Variants in LMCD1 observed in about 807,000 individuals in gnomAD.
LMCD1 encodes the protein LIM and cysteine rich domains 1, also known as LIM and cysteine-rich domains protein 1.
In LMCD1, 32 loss-of-function variants were observed where a neutral mutation model predicts 42.7. The observed-to-expected ratio is 0.75, with a 90% CI of 0.57 to 1.01. LMCD1 has a LOEUF of 1.01. LMCD1 is among the 50% of genes least tolerant of loss of function. The probability of loss-of-function intolerance (pLI) is 0.00; values close to 1 mark genes in which losing one functional copy is unlikely to be tolerated. For synonymous variants in LMCD1, 178 were observed against 184.9 expected (o/e 0.96, Z 0.30); for missense variants, 458 against 483.1 (o/e 0.95, Z 0.49).
rs1452159827 is a variant in LMCD1 at position 8,565,455 on chromosome 3, G to A, written c.747G>A (p.Ala249=). 1.9e-6 allele frequency: 3 copies of A among 1,614,098 alleles called. No homozygotes were observed. Among genetic ancestry groups the A allele is most frequent in the Non-Finnish European group, 2.5e-6 (3 of 1,180,002 alleles). The part of the protein sequence containing the change: ...VEYVCELCKG[A]APPDSPVVYS... Reference sequence around the variant, plus strand: ...AGGTCTGCGAGCTCTGCAAGGGAGCGGCCCCTCCTGACAGCCCCGTGGTCT... The same window carrying A: ...AGGTCTGCGAGCTCTGCAAGGGAGCAGCCCCTCCTGACAGCCCCGTGGTCT... Residue 249 remains alanine (A), a synonymous_variant, in exon 5 of 6, where the codon GCG becomes GCA. Coordinates refer to ENST00000157600, the MANE Select transcript of LMCD1 (RefSeq NM_014583.4).
chr3:8,510,376 GCTT>G (rs1693973566), intron 1 of LMCD1, among the ~76,000 whole-genome samples: 1 of 152,202 alleles, frequency 6.6e-6, no homozygotes. Context: ...GCATCTGGGG[GCTT>G]CTTATTTTAG....
intron 1 of LMCD1, among the ~76,000 whole-genome samples, chr3:8,511,486 A>T (rs1332201475): frequency 1.3e-5 from 2 of 152,218 alleles, no homozygotes; most frequent in Non-Finnish European, 2.9e-5. Context: ...ATCGGGGTAC[A>T]TGTGTGGGAC....
At chr3:8,521,791 G>A (rs1493587) in intron 1 of LMCD1, among the ~76,000 whole-genome samples, 77,489 of 151,872 alleles carry the variant, frequency 0.51, 20,695 homozygotes, top group African/African-American at 0.6. Context: ...TAGGTAGACA[G>A]TGCTGGTAGA....
chr3:8,547,823 T>C (rs1694766471), intron 3 of LMCD1, among the ~76,000 whole-genome samples: 1 of 151,328 alleles, frequency 6.6e-6, no homozygotes, highest in Admixed American at 6.6e-5. Context: ...GAGGCAGAGC[T>C]TGCAGTGAGC....
intron 1 of LMCD1, among the ~76,000 whole-genome samples, chr3:8,513,143 T>C (rs1694033522): frequency 6.6e-6 from 1 of 152,236 alleles, no homozygotes; most frequent in Non-Finnish European, 1.5e-5. Flanking sequence ...TTATTGGTTT[T>C]CTTTATTTCC....
intron 3 of LMCD1, among the ~76,000 whole-genome samples, chr3:8,547,619 G>A (rs1232747846): frequency 2.0e-5 from 3 of 152,132 alleles, no homozygotes; most frequent in Admixed American, 6.5e-5. Flanking sequence ...ACAGCCAGGC[G>A]CGGTGGCTCA....
Position 8,568,961 on chromosome 3 carries a change from A to G in LMCD1, c.*1363A>G, listed in dbSNP as rs1695172556. On this transcript the variant is annotated 3_prime_UTR_variant, in exon 6 of 6. Coordinates refer to ENST00000157600, the MANE Select transcript of LMCD1 (RefSeq NM_014583.4). ...CCCATTCATGTGCTTTATAAGTTTC[A>G]CCAAAGCCATTGCTATATCCTCCCA... The G allele has an allele frequency of 6.6e-6, 1 of 152,076 alleles. No homozygotes were observed. The highest frequency in any genetic ancestry group is 2.4e-5 in the African/African-American group (1 of 41,408). 9.4% of individuals were successfully genotyped at this position (152,076 alleles called of 1,614,324 possible).
intron 1 of LMCD1, among the ~76,000 whole-genome samples, chr3:8,525,554 C>G (rs369300664): frequency 2.6e-5 from 4 of 152,114 alleles, no homozygotes; most frequent in Non-Finnish European, 5.9e-5. Flanking sequence ...CTTTGAGATA[C>G]TGATTTCATT....
At chr3:8,502,930 G>A (rs2125006782) in intron 1 of LMCD1, among the ~76,000 whole-genome samples, 1 of 152,260 alleles carries the variant, frequency 6.6e-6, no homozygotes, top group African/African-American at 2.4e-5. Context: ...GTTCTAACAG[G>A]CAGCTGACTG....
At chr3:8,522,957 C>A (rs1193243400) in intron 1 of LMCD1, among the ~76,000 whole-genome samples, 1 of 152,162 alleles carries the variant, frequency 6.6e-6, no homozygotes, top group Non-Finnish European at 1.5e-5. Flanking sequence ...CAACTACAAC[C>A]AGTCCACGGG....
In LMCD1 at chr3:8,548,641, G is replaced by T; in HGVS notation, c.461G>T (p.Arg154Leu). The T allele has an allele frequency of 6.2e-7, 1 of 1,614,144 alleles. No homozygotes were observed. Among genetic ancestry groups the T allele is most frequent in the Non-Finnish European group, 8.5e-7 (1 of 1,180,014 alleles). ...VTGTEGAFYR[R>L]RQLMHQLPIY... The stretch of plus-strand genomic sequence containing the variant: ...GGCACAGAGGGTGCCTTTTACCGCC[G>T]CCGCCAGCTCATGCACCAGCTCCCC... The change falls in exon 4 of 6, where the codon CGC becomes CTC. Residue 154 changes from arginine to leucine, a missense_variant. Physicochemically the swap from Arg to Leu is moderately radical, Grantham distance 102. Transcript: ENST00000157600.
intron 3 of LMCD1, among the ~76,000 whole-genome samples, chr3:8,548,008 A>G (rs988091860): frequency 6.6e-6 from 1 of 152,238 alleles, no homozygotes; most frequent in Non-Finnish European, 1.5e-5. Context: ...ACTGTACTGA[A>G]TACTATAGGC....
chr3:8,519,521 G>A (rs895045876), intron 1 of LMCD1, among the ~76,000 whole-genome samples: 5 of 152,134 alleles, frequency 3.3e-5, no homozygotes, highest in East Asian at 1.9e-4. Flanking sequence ...GTGAAGGACC[G>A]TTCACTAGTT....
Position 8,573,997 on chromosome 3 carries a change from A to G in LMCD1, c.*6399A>G, listed in dbSNP as rs1444474290. The stretch of plus-strand genomic sequence containing the variant: ...AGCTTCAGGAACAATTGGATGCAGT[A>G]GTTCAAATCACAAGTTAAGTCTCTG... On this transcript the variant is annotated 3_prime_UTR_variant, in exon 6 of 6. Coordinates refer to ENST00000157600, the MANE Select transcript of LMCD1 (RefSeq NM_014583.4). 1 of 152,194 alleles carries G rather than the reference A, an allele frequency of 6.6e-6. No individual in the cohort carries two copies. Among genetic ancestry groups the G allele is most frequent in the Non-Finnish European group, 1.5e-5 (1 of 68,024 alleles). 9.4% of individuals were successfully genotyped at this position (152,194 alleles called of 1,614,324 possible). A position where few individuals can be genotyped will look rare whatever the true frequency, so the allele number is the denominator to read the frequency against.
chr3:8,567,471 A>T lies in LMCD1; in HGVS notation c.971A>T (p.Glu324Val). Residue 324 changes from glutamate to valine, a missense_variant, in exon 6 of 6, where the codon GAA becomes GTA. Transcript: ENST00000157600. ...TTCGCTGAGGACTACCAGCGTGTGGAAGATCTGGCCTGGCACCGAAAGCAC... is the reference window on the plus strand; with the variant it reads ...TTCGCTGAGGACTACCAGCGTGTGGTAGATCTGGCCTGGCACCGAAAGCAC... ...IIFAEDYQRV[E>V]DLAWHRKHFV... is the part of the protein sequence containing the mutation. 1 of 1,614,054 alleles carries T rather than the reference A, an allele frequency of 6.2e-7. No homozygotes were observed. The highest frequency in any genetic ancestry group is 8.5e-7 in the Non-Finnish European group (1 of 1,180,014).
At chr3:8,544,089 C>T (rs1382267181) in intron 3 of LMCD1, among the ~76,000 whole-genome samples, 1 of 152,126 alleles carries the variant, frequency 6.6e-6, no homozygotes, top group Non-Finnish European at 1.5e-5. Flanking sequence ...AGGAATCCAC[C>T]GTCTCCTTCC....
intron 1 of LMCD1, among the ~76,000 whole-genome samples, chr3:8,507,798 A>T (rs75888239): frequency 0.015 from 2,216 of 152,358 alleles, 57 homozygotes; most frequent in African/African-American, 0.05. Context: ...TCTGACTCCA[A>T]AACTTCAGTT....
chr3:8,507,000 GC>G (rs1218134396), intron 1 of LMCD1, among the ~76,000 whole-genome samples: 4 of 152,236 alleles, frequency 2.6e-5, no homozygotes, highest in Non-Finnish European at 5.9e-5. Flanking sequence ...TGAAGAGACA[GC>G]TGTTGCTCTT....
intron 4 of LMCD1, among the ~76,000 whole-genome samples, chr3:8,561,457 T>A (rs1186558513): frequency 3.3e-5 from 5 of 151,956 alleles, no homozygotes; most frequent in Non-Finnish European, 5.9e-5. Context: ...AGAAAACATT[T>A]CACTGAATTG....
Sources: gnomAD v4.1 joint callset for allele counts (sites outside exome capture counted in the v4.1 genomes callset) on GRCh38, gnomAD v4.1.1 for gene constraint, MANE v1.5 for transcripts, NCBI Gene and HGNC (gene_info 2026-07-23, HGNC 2026-07-21) for gene names.